Variants in PCNX2 observed in about 807,000 individuals in gnomAD.
PCNX2 encodes the protein pecanex-like protein 2.
Under a neutral mutation model 223.8 loss-of-function variants are expected in PCNX2, and 168 were observed. The observed-to-expected ratio is 0.75, with a 90% CI of 0.66 to 0.85. The LOEUF is 0.85. PCNX2 is among the 40% of genes least tolerant of loss of function. The pLI is 0.00. For synonymous variants in PCNX2, 1,006 were observed against 1,052.6 expected, an observed-to-expected ratio of 0.96 and a Z score of 0.86; for missense variants, 2,507 against 2,675.5, an observed-to-expected ratio of 0.94 and a Z score of 1.39.
At position 233,017,109 on chromosome 1, in the gene PCNX2, T is replaced by C. The variant is rs1447894890; in HGVS notation, c.4651A>G (p.Ile1551Val). The change falls in exon 27 of 34, where the codon ATC (isoleucine) becomes GTC (valine). Residue 1551 changes from isoleucine to valine, a missense_variant. By Grantham distance (29) the Ile-to-Val change is conservative. Transcript: ENST00000258229. ...MVTSPKLLSW[I>V]KNESLLKSLQ... ...GACTTCAGAAGTGATTCATTTTTGA[T>C]CCAGGAGAGGAGTTTGGGAGACGTT... The C allele has an allele frequency of 6.2e-7, 1 of 1,613,472 alleles. No individual in the cohort carries two copies. The highest frequency in any genetic ancestry group is 2.2e-5 in the East Asian group (1 of 44,874).
chr1:233,143,746 A>G (rs1204998591), intron 19 of PCNX2, among the ~76,000 whole-genome samples: 1 of 152,152 alleles, frequency 6.6e-6, no homozygotes, highest in East Asian at 1.9e-4. Flanking sequence ...TCTGTCTTCC[A>G]TGCTCTTAAT....
intron 15 of PCNX2, among the ~76,000 whole-genome samples, chr1:233,183,975 C>T (rs1299582338): frequency 6.6e-6 from 1 of 152,234 alleles, no homozygotes; most frequent in Non-Finnish European, 1.5e-5. Flanking sequence ...GTCCATCCAC[C>T]TAGGGCTTCT....
intron 23 of PCNX2, among the ~76,000 whole-genome samples, chr1:233,089,391 C>A (rs1043260857): frequency 6.6e-5 from 10 of 152,164 alleles, no homozygotes; most frequent in African/African-American, 2.4e-4. Context: ...CTTTCCTTCC[C>A]TGCTAGCTAT....
rs181870726 is a variant in PCNX2 at position 233,289,574 on chromosome 1, G to A, written c.153+5752C>T. The A allele has an allele frequency of 5.4e-5, 33 of 606,964 alleles. No individual in the cohort carries two copies. In the East Asian group the frequency reaches 6.9e-4, roughly 13 times the overall value. 37.6% of individuals were successfully genotyped at this position (606,964 alleles called of 1,614,324 possible). On this transcript the variant is annotated intron_variant, in intron 1 of 33. Coordinates refer to ENST00000258229, the MANE Select transcript of PCNX2 (RefSeq NM_014801.4). ...CTGCTTCAGGCAGGTGAGGGCAGGA[G>A]GCAGGAAGCCAGACATTCAGGTAAA...
chr1:233,081,531 G>A (rs2102922701), intron 23 of PCNX2, among the ~76,000 whole-genome samples: 1 of 152,238 alleles, frequency 6.6e-6, no homozygotes, highest in South Asian at 2.1e-4. Context: ...CCAGGCCGGG[G>A]CCATGGAGAA....
At chr1:233,036,437 C>T (rs1671457165) in intron 25 of PCNX2, among the ~76,000 whole-genome samples, 1 of 152,124 alleles carries the variant, frequency 6.6e-6, no homozygotes, top group Non-Finnish European at 1.5e-5. Context: ...CAAGACCAGC[C>T]TGGCCAACAT....
At chr1:233,269,883 G>C (rs1660556931) in intron 1 of PCNX2, among the ~76,000 whole-genome samples, 2 of 152,178 alleles carry the variant, frequency 1.3e-5, no homozygotes, top group Non-Finnish European at 2.9e-5. Context: ...TACTCAAGCT[G>C]CTGGAAGACT....
chr1:233,246,153 GATAA>G (rs1659106101), intron 8 of PCNX2, among the ~76,000 whole-genome samples: 1 of 151,354 alleles, frequency 6.6e-6, no homozygotes, highest in Non-Finnish European at 1.5e-5. Context: ...CTTCAGATGG[GATAA>G]ATGCCCTTCA....
chr1:233,014,883 C>A, intron 27 of PCNX2, 106 bp from the exon 28 acceptor site: 1 of 784,544 alleles, frequency 1.3e-6, no homozygotes, highest in South Asian at 1.7e-5. Context: ...GCCACGTGGT[C>A]ATCCAGTCCC....
chr1:233,015,414 G>C (rs1216267203), intron 27 of PCNX2, among the ~76,000 whole-genome samples: 2 of 152,128 alleles, frequency 1.3e-5, no homozygotes, highest in Non-Finnish European at 2.9e-5. Flanking sequence ...AAATTAGCCA[G>C]GTGGCCGGGC....
chr1:233,181,951 T>A (rs571292134), intron 15 of PCNX2, among the ~76,000 whole-genome samples: 1 of 152,318 alleles, frequency 6.6e-6, no homozygotes, highest in African/African-American at 2.4e-5. Flanking sequence ...CCCTCTTTTT[T>A]ATTTCAGTGC....
intron 17 of PCNX2, among the ~76,000 whole-genome samples, chr1:233,163,139 T>G (rs896639632): frequency 2.5e-5 from 2 of 81,070 alleles, no homozygotes; most frequent in African/African-American, 8.1e-5. Flanking sequence ...ATATTATAAT[T>G]TCTAAATAGT....
chr1:233,103,179 G>A (rs1455468864), intron 21 of PCNX2, among the ~76,000 whole-genome samples: 2 of 151,946 alleles, frequency 1.3e-5, no homozygotes, highest in Admixed American at 1.3e-4. Context: ...ATATTTATGG[G>A]ATACATGAGA....
At chr1:233,313,626 G>GA in the PCNX2 span, among the ~76,000 whole-genome samples, 1 of 151,834 alleles carries the variant, frequency 6.6e-6, no homozygotes, top group African/African-American at 2.4e-5. Context: ...GAAAGAAAAA[G>GA]AAAAAATCTA....
intron 15 of PCNX2, among the ~76,000 whole-genome samples, chr1:233,193,070 C>T (rs1418461306): frequency 6.9e-6 from 1 of 145,004 alleles, no homozygotes; most frequent in African/African-American, 2.5e-5. Context: ...TATAATTTAT[C>T]AAATTATTTT....
intron 23 of PCNX2, among the ~76,000 whole-genome samples, chr1:233,070,258 G>A (rs56004731): frequency 6.7e-6 from 1 of 149,508 alleles, no homozygotes; most frequent in African/African-American, 2.5e-5. Context: ...AGCTCTGAAG[G>A]CTTCACTGAA....
intron 1 of PCNX2, among the ~76,000 whole-genome samples, chr1:233,286,893 C>A (rs1033262970): frequency 4.3e-4 from 65 of 152,192 alleles, no homozygotes; most frequent in African/African-American, 1.4e-3. Context: ...CATGTCCCTT[C>A]CTACCTGGAA....
At chr1:233,324,598 ATTTTTTT>A in the PCNX2 span, among the ~76,000 whole-genome samples, 24 of 127,554 alleles carry the variant, frequency 1.9e-4, no homozygotes, top group Admixed American at 1.9e-3. Context: ...GTTTACTGAA[ATTTTTTT>A]TTTTTTTTTT....
intron 28 of PCNX2, among the ~76,000 whole-genome samples, chr1:233,008,037 G>A (rs551017102): frequency 6.6e-6 from 1 of 152,254 alleles, no homozygotes; most frequent in East Asian, 1.9e-4. Flanking sequence ...TCCCTTTAAA[G>A]GCTTCAGTTG....
Sources: gnomAD v4.1 joint callset for allele counts (sites outside exome capture counted in the v4.1 genomes callset) on GRCh38, gnomAD v4.1.1 for gene constraint, MANE v1.5 for transcripts, NCBI Gene and HGNC (gene_info 2026-07-23, HGNC 2026-07-21) for gene names.